The following SLC35F1 variants were observed in gnomAD, a reference collection of about 807,000 sequenced individuals.
The protein encoded by SLC35F1 is solute carrier family 35 member F1.
A neutral mutation model predicts 48.7 loss-of-function variants in SLC35F1; 14 were observed. That is an observed-to-expected ratio of 0.29 (90% CI 0.19 to 0.45). SLC35F1 has a LOEUF of 0.45. Ranked by LOEUF, SLC35F1 falls within the 20% of genes least tolerant of loss-of-function variation. The probability of loss-of-function intolerance (pLI) is 1.00; values close to 1 mark genes in which losing one functional copy is unlikely to be tolerated. For missense variants in SLC35F1, 404 were observed against 500.0 expected (o/e 0.81, Z 1.83); for synonymous variants, 190 against 202.2 (o/e 0.94, Z 0.51).
At chr6:118,203,656 T>C (rs1393553173) in intron 2 of SLC35F1, among the ~76,000 whole-genome samples, 2 of 152,160 alleles carry the variant, frequency 1.3e-5, no homozygotes, top group Non-Finnish European at 2.9e-5. Context: ...CCAAGACTTG[T>C]AGGAAAGCCT....
At chr6:118,178,862 TAATAGCAA>T (rs1774531242) in intron 2 of SLC35F1, among the ~76,000 whole-genome samples, 1 of 152,148 alleles carries the variant, frequency 6.6e-6, no homozygotes, top group Non-Finnish European at 1.5e-5. Flanking sequence ...TAAACTTAGA[TAATAGCAA>T]AATAGTTTTG....
At chr6:118,150,146 A>G (rs1231170309) in intron 1 of SLC35F1, among the ~76,000 whole-genome samples, 1 of 152,180 alleles carries the variant, frequency 6.6e-6, no homozygotes, top group African/African-American at 2.4e-5. Context: ...TCGAACAGTA[A>G]TAATAGCTGC....
intron 1 of SLC35F1, among the ~76,000 whole-genome samples, chr6:117,922,610 C>G (rs1366640521): frequency 6.6e-6 from 1 of 152,152 alleles, no homozygotes; most frequent in African/African-American, 2.4e-5. Flanking sequence ...AACTTGATTG[C>G]TTTCCCTTTA....
chr6:118,088,942 T>A (rs1162111351), intron 1 of SLC35F1, among the ~76,000 whole-genome samples: 1 of 152,236 alleles, frequency 6.6e-6, no homozygotes, highest in African/African-American at 2.4e-5. Context: ...CCCTGTGGAC[T>A]AGCAGCAGCT....
At chr6:117,972,199 G>A (rs1282281895) in intron 1 of SLC35F1, among the ~76,000 whole-genome samples, 1 of 152,174 alleles carries the variant, frequency 6.6e-6, no homozygotes, top group Non-Finnish European at 1.5e-5. Flanking sequence ...CATTGCAAGA[G>A]TGAGCTTTAC....
At chr6:118,196,691 C>A (rs1235018995) in intron 2 of SLC35F1, among the ~76,000 whole-genome samples, 1 of 151,684 alleles carries the variant, frequency 6.6e-6, no homozygotes, top group Admixed American at 6.6e-5. Flanking sequence ...ACTCCACACC[C>A]CAGCTTGGGC....
At chr6:117,911,440 TTCCTTCCA>T (rs1454110763) in intron 1 of SLC35F1, among the ~76,000 whole-genome samples, 1 of 116,556 alleles carries the variant, frequency 8.6e-6, no homozygotes, top group Non-Finnish European at 1.7e-5. Context: ...CCTTCCTTCC[TTCCTTCCA>T]TCCTTCTGGC....
At chr6:118,001,649 C>G (rs1009998495) in intron 1 of SLC35F1, among the ~76,000 whole-genome samples, 1 of 152,076 alleles carries the variant, frequency 6.6e-6, no homozygotes, top group African/African-American at 2.4e-5. Context: ...AAACTACCAT[C>G]AGAGTGAACA....
chr6:117,998,837 T>C (rs1490625824), intron 1 of SLC35F1: 17 of 535,532 alleles, frequency 3.2e-5, no homozygotes, highest in Non-Finnish European at 5.0e-5. Flanking sequence ...AGATCCAAAA[T>C]TGACACCCTA....
chr6:118,275,350 A>C, intron 4 of SLC35F1, 109 bp from the exon 5 acceptor site: 1 of 1,182,902 alleles, frequency 8.5e-7, no homozygotes. Context: ...GACTTCTATA[A>C]AAATGTCAAA....
At chr6:118,111,348 G>T (rs748762903) in intron 1 of SLC35F1, among the ~76,000 whole-genome samples, 1 of 152,140 alleles carries the variant, frequency 6.6e-6, no homozygotes, top group African/African-American at 2.4e-5. Flanking sequence ...AGTCAGAGGG[G>T]TTAGGAGAAG....
chr6:117,960,432 A>G lies in SLC35F1; in HGVS notation c.173+52533A>G, dbSNP rs538674001. On this transcript the variant is annotated intron_variant, in intron 1 of 7. Coordinates refer to ENST00000360388, the MANE Select transcript of SLC35F1 (RefSeq NM_001029858.4). ...GTTTACAGACTAGATTATGTACATT[A>G]TAGGCTCATCATTGATTTGGTTTCT... Among the ~76,000 whole-genome samples, 6 of 152,156 alleles carry G rather than the reference A, an allele frequency of 3.9e-5. No individual in the cohort carries two copies. The East Asian group carries it at 1.2e-3, about 30-fold the overall frequency.
At chr6:118,075,565 T>C (rs1040310372) in intron 1 of SLC35F1, among the ~76,000 whole-genome samples, 1 of 152,214 alleles carries the variant, frequency 6.6e-6, no homozygotes, top group Non-Finnish European at 1.5e-5. Flanking sequence ...CTGACTAATA[T>C]AGTACTTACA....
At chr6:118,250,400 A>G (rs891441511) in intron 3 of SLC35F1, among the ~76,000 whole-genome samples, 3 of 152,246 alleles carry the variant, frequency 2.0e-5, no homozygotes, top group Non-Finnish European at 4.4e-5. Flanking sequence ...TTCATAAAAT[A>G]CTTGTAGGGT....
intron 2 of SLC35F1, among the ~76,000 whole-genome samples, chr6:118,183,998 A>G (rs1408753035): frequency 6.6e-6 from 1 of 152,178 alleles, no homozygotes; most frequent in Non-Finnish European, 1.5e-5. Context: ...CACCTACCTT[A>G]CAACAGCAAA....
chr6:118,078,238 A>G (rs934736285), intron 1 of SLC35F1, among the ~76,000 whole-genome samples: 3 of 152,240 alleles, frequency 2.0e-5, no homozygotes, highest in Non-Finnish European at 4.4e-5. Flanking sequence ...GTTCCCACAT[A>G]GAGGCAGCTC....
intron 4 of SLC35F1, among the ~76,000 whole-genome samples, chr6:118,272,585 T>A (rs936393887): frequency 2.0e-5 from 3 of 151,822 alleles, no homozygotes; most frequent in African/African-American, 7.3e-5. Flanking sequence ...AGATACAAAT[T>A]TTTTTTCTGC....
intron 2 of SLC35F1, among the ~76,000 whole-genome samples, chr6:118,176,982 T>C (rs778396556): frequency 3.3e-5 from 5 of 152,084 alleles, no homozygotes; most frequent in Admixed American, 6.6e-5. Context: ...GGAAAGCATA[T>C]TACCAAGCAG....
intron 1 of SLC35F1, among the ~76,000 whole-genome samples, chr6:118,125,070 C>G (rs776671612): frequency 3.3e-5 from 5 of 152,168 alleles, no homozygotes; most frequent in African/African-American, 1.2e-4. Flanking sequence ...GCATAAGAAA[C>G]TATTTGCACA....
Sources: gnomAD v4.1 joint callset for allele counts (sites outside exome capture counted in the v4.1 genomes callset) on GRCh38, gnomAD v4.1.1 for gene constraint, MANE v1.5 for transcripts, NCBI Gene and HGNC (gene_info 2026-07-23, HGNC 2026-07-21) for gene names.